Variants in TENM2 observed in about 807,000 individuals in gnomAD.
The protein encoded by TENM2 is teneurin-2.
In TENM2, 52 loss-of-function variants were observed where a neutral mutation model predicts 245.2. The observed-to-expected ratio is 0.21, with a 90% CI of 0.17 to 0.27. TENM2 has a LOEUF of 0.27. Among genes scored for constraint, TENM2 ranks in the 10% least tolerant of loss-of-function variants. TENM2 has a pLI of 1.00. For synonymous variants in TENM2, 1,363 were observed against 1,438.9 expected, an observed-to-expected ratio of 0.95 and a Z score of 1.19; for missense variants, 3,046 against 3,666.8, an observed-to-expected ratio of 0.83 and a Z score of 4.37.
intron 2 of TENM2, among the ~76,000 whole-genome samples, chr5:167,385,616 A>G (rs115887641): frequency 0.018 from 2,682 of 151,770 alleles, 75 homozygotes; most frequent in African/African-American, 0.062. Context: ...CCTGAGCAGT[A>G]CACACTGCAT....
At chr5:168,217,180 G>A (rs187522445) in intron 22 of TENM2, among the ~76,000 whole-genome samples, 24 of 152,320 alleles carry the variant, frequency 1.6e-4, no homozygotes, top group Non-Finnish European at 2.4e-4. Context: ...CACTCCAGCC[G>A]TGGCAGATTA....
At chr5:167,562,774 C>T (rs796302058) in intron 2 of TENM2, among the ~76,000 whole-genome samples, 10 of 151,888 alleles carry the variant, frequency 6.6e-5, no homozygotes, top group South Asian at 2.1e-4. Flanking sequence ...CTGGCCAACA[C>T]GGTGAAACCC....
intron 5 of TENM2, among the ~76,000 whole-genome samples, chr5:168,034,761 G>T (rs1787511731): frequency 6.6e-6 from 1 of 151,968 alleles, no homozygotes; most frequent in African/African-American, 2.4e-5. Flanking sequence ...GACAGAGGGA[G>T]ACCCTATCTC....
chr5:168,148,334 A>T (rs879282525), intron 12 of TENM2, among the ~76,000 whole-genome samples: 1 of 152,230 alleles, frequency 6.6e-6, no homozygotes, highest in Non-Finnish European at 1.5e-5. Flanking sequence ...GTGGCACCTA[A>T]CAAAAGCATA....
intron 2 of TENM2, among the ~76,000 whole-genome samples, chr5:167,626,875 AC>A: frequency 6.6e-6 from 1 of 152,250 alleles, no homozygotes; most frequent in Non-Finnish European, 1.5e-5. Context: ...AGGCAGTAAC[AC>A]CGGGGCCGCC....
chr5:167,311,269 A>G (rs575163047), intron 1 of TENM2, among the ~76,000 whole-genome samples: 35 of 152,314 alleles, frequency 2.3e-4, no homozygotes, highest in African/African-American at 7.7e-4. Context: ...ATTCACATCC[A>G]TTTTAAAGAA....
chr5:167,209,432 T>G, the TENM2 span, among the ~76,000 whole-genome samples: 2 of 151,928 alleles, frequency 1.3e-5, no homozygotes, highest in Non-Finnish European at 2.9e-5. Flanking sequence ...CTCAGCTAAT[T>G]TTTGTATTTT....
intron 9 of TENM2, among the ~76,000 whole-genome samples, chr5:168,104,186 C>T (rs1249691609): frequency 1.3e-5 from 2 of 152,096 alleles, no homozygotes; most frequent in East Asian, 3.9e-4. Context: ...CATACCACCA[C>T]ACCCAGCTAA....
At chr5:167,076,181 A>G in the TENM2 span, among the ~76,000 whole-genome samples, 2 of 152,138 alleles carry the variant, frequency 1.3e-5, no homozygotes, top group African/African-American at 4.8e-5. Context: ...TTTTTATTCC[A>G]TGTTGGATTC....
At chr5:167,692,400 C>T (rs1228604923) in intron 2 of TENM2, among the ~76,000 whole-genome samples, 1 of 152,142 alleles carries the variant, frequency 6.6e-6, no homozygotes, top group Non-Finnish European at 1.5e-5. Flanking sequence ...CCTGGACAGT[C>T]TGATTCCATT....
At chr5:167,214,691 G>T in the TENM2 span, among the ~76,000 whole-genome samples, 1 of 152,278 alleles carries the variant, frequency 6.6e-6, no homozygotes, top group Non-Finnish European at 1.5e-5. Context: ...TGGACCCTGG[G>T]ATTAGATTAG....
chr5:167,570,617 G>A (rs980591327), intron 2 of TENM2, among the ~76,000 whole-genome samples: 8 of 152,124 alleles, frequency 5.3e-5, no homozygotes, highest in African/African-American at 1.9e-4. Flanking sequence ...TACGATCTCT[G>A]GTGCAGTCCT....
chr5:167,358,327 C>T (rs1414961078), intron 1 of TENM2, among the ~76,000 whole-genome samples: 1 of 152,110 alleles, frequency 6.6e-6, no homozygotes, highest in Non-Finnish European at 1.5e-5. Context: ...CATAATTGTC[C>T]ATTCTCAGTT....
At chr5:168,236,395 CTCTGCCTGTGCAAGGCCTT>C (rs1247523068) in intron 25 of TENM2, among the ~76,000 whole-genome samples, 3 of 152,222 alleles carry the variant, frequency 2.0e-5, no homozygotes, top group Non-Finnish European at 4.4e-5. Context: ...AACAGCCATG[CTCTGCCTGTGCAAGGCCTT>C]TGCTCATCCC....
chr5:168,202,752 A>G (rs1316770962), intron 17 of TENM2, among the ~76,000 whole-genome samples: 1 of 151,952 alleles, frequency 6.6e-6, no homozygotes, highest in African/African-American at 2.4e-5. Context: ...TCATATTGAC[A>G]CTTCTATATC....
chr5:167,845,897 G>A lies in TENM2; in HGVS notation c.503-30089G>A, dbSNP rs1290112776. Among the ~76,000 whole-genome samples, 21 of 152,148 alleles carry A rather than the reference G, an allele frequency of 1.4e-4. 1 individual carries two copies. Among genetic ancestry groups the A allele is most frequent in the Admixed American group, 1.4e-3 (21 of 15,264 alleles). The stretch of plus-strand genomic sequence containing the variant: ...AGATGGAGGCAGGGAAAGGAACCTG[G>A]ACAGCTGGCCCGACTGCTCCTACAG... On this transcript the variant is annotated intron_variant, in intron 2 of 28. Coordinates refer to ENST00000518659, the Ensembl canonical transcript of TENM2.
chr5:168,123,629 A>C (rs546358452), intron 10 of TENM2, among the ~76,000 whole-genome samples: 16 of 152,222 alleles, frequency 1.1e-4, no homozygotes, highest in Non-Finnish European at 2.4e-4. Flanking sequence ...CTGTGCCCCC[A>C]GGTGATAGAA....
the TENM2 span, among the ~76,000 whole-genome samples, chr5:167,257,560 G>A: frequency 1.3e-5 from 2 of 151,738 alleles, no homozygotes; most frequent in African/African-American, 2.4e-5. Flanking sequence ...GAGTGAAATG[G>A]CAAGTTAATT....
chr5:167,906,114 G>A (rs1055974887), intron 3 of TENM2, among the ~76,000 whole-genome samples: 4 of 151,982 alleles, frequency 2.6e-5, no homozygotes, highest in East Asian at 1.9e-4. Context: ...TATAATGTGC[G>A]CCAGCCCCAA....
Sources: allele counts gnomAD v4.1 joint callset (sites outside exome capture counted in the v4.1 genomes callset), GRCh38; gene constraint gnomAD v4.1.1; transcripts MANE v1.5; gene names NCBI Gene and HGNC (gene_info 2026-07-23, HGNC 2026-07-21).